STAT5A: variants seen among roughly 807,000 people sequenced by gnomAD.
STAT5A encodes epididymis secretory sperm binding protein.
In STAT5A, 26 loss-of-function variants were observed where a neutral mutation model predicts 100.2. That is an observed-to-expected ratio of 0.26 (90% confidence interval 0.19 to 0.36). The LOEUF (loss-of-function observed/expected upper bound fraction) is 0.36. Among genes scored for constraint, STAT5A ranks in the 10% least tolerant of loss-of-function variants. STAT5A has a pLI of 1.00. For synonymous variants in STAT5A, 330 were observed against 424.3 expected (o/e 0.78, Z 2.73); for missense variants, 634 against 1,027.5 (o/e 0.62, Z 5.24).
intron 4 of STAT5A, among the ~76,000 whole-genome samples, chr17:42,293,165 G>T (rs1367774164): frequency 1.3e-5 from 2 of 152,174 alleles, no homozygotes; most frequent in East Asian, 3.9e-4. Context: ...ACAGTGACCG[G>T]AGCACAGGTC....
Position 42,289,448 on chromosome 17 carries a change from G to A in STAT5A, c.37G>A (p.Asp13Asn), listed in dbSNP as rs751300372. ...GWIQAQQLQG[D>N]ALRQMQVLYG... ...GATCCAGGCCCAGCAGCTGCAGGGAGACGCGCTGCGCCAGATGCAGGTGCT... is the reference window on the plus strand; with the variant it reads ...GATCCAGGCCCAGCAGCTGCAGGGAAACGCGCTGCGCCAGATGCAGGTGCT... Residue 13 changes from aspartate to asparagine, a missense_variant, in exon 2 of 19, where the codon GAC becomes AAC. Physicochemically the swap from Asp to Asn is conservative, Grantham distance 23. Around this residue, in one of 5 missense-constraint regions of STAT5A, gnomAD observed 207 missense variants for 256.6 expected, o/e 0.81. Coordinates refer to ENST00000590949, the MANE Select transcript of STAT5A (RefSeq NM_001288718.2). 8 of 1,612,786 alleles carry A rather than the reference G, an allele frequency of 5.0e-6. No individual in the cohort carries two copies. In the East Asian group the frequency reaches 1.8e-4, roughly 36 times the overall value.
chr17:42,307,755 C>T (rs368460617), intron 15 of STAT5A, 32 bp downstream of exon 15: 71 of 1,606,276 alleles, frequency 4.4e-5, no homozygotes, highest in Non-Finnish European at 5.8e-5. Context: ...ACTCCAGCCC[C>T]AAGGCCCGGT....
At chr17:42,290,063 A>T in intron 3 of STAT5A, 41 bp downstream of exon 3, 1 of 1,556,306 alleles carries the variant, frequency 6.4e-7, no homozygotes, top group Admixed American at 1.9e-5. Flanking sequence ...AGGAAGCATC[A>T]TCTTGTTCCA....
At chr17:42,293,572 C>T (rs753707203) in intron 4 of STAT5A, among the ~76,000 whole-genome samples, 70 of 152,248 alleles carry the variant, frequency 4.6e-4, no homozygotes, top group Non-Finnish European at 7.8e-4. Flanking sequence ...TGAGGTCTTA[C>T]TGTGTGTCCG....
chr17:42,301,541 G>T, intron 9 of STAT5A, 87 bp downstream of exon 9: 3 of 1,550,592 alleles, frequency 1.9e-6, no homozygotes, highest in Non-Finnish European at 2.6e-6. Flanking sequence ...GCTATGTCTT[G>T]TCCCCTAGTT....
Position 42,304,084 on chromosome 17 carries a change from C to T in STAT5A, c.1170-258C>T, listed in dbSNP as rs1383434328. On this transcript the variant is annotated intron_variant, in intron 9 of 18. Transcript: ENST00000590949. This position sits in a 1 kb window ranked among gnomAD's most constrained non-coding sequence, Gnocchi z 4.8. ...GAAGCTATTGGAAGTCCCCAAAGCC[C>T]TCACATCAATCTTGGTATCGAGGAA... is the stretch of plus-strand genomic sequence containing the variant. 2.2e-5 allele frequency: 11 copies of T among 510,582 alleles called. No individual in the cohort carries two copies. Among genetic ancestry groups the T allele is most frequent in the Non-Finnish European group, 1.4e-5 (4 of 282,974 alleles). The allele number at this position is 510,582 out of a possible 1,614,324, so 31.6% of individuals were successfully genotyped here. A position where few individuals can be genotyped will look rare whatever the true frequency, so the allele number is the denominator to read the frequency against.
upstream of STAT5A, chr17:42,287,894 G>C (rs531702260): frequency 1.8e-4 from 27 of 152,416 alleles, no homozygotes; most frequent in Non-Finnish European, 2.9e-4. Flanking sequence ...GAAGGAGGGA[G>C]GTGCTGCGGT....
At chr17:42,299,442 C>T (rs1303099110) in intron 5 of STAT5A, among the ~76,000 whole-genome samples, 1 of 152,322 alleles carries the variant, frequency 6.6e-6, no homozygotes, top group Middle Eastern at 3.4e-3. Flanking sequence ...TGCTGGGACG[C>T]GAGAAGAGGG....
At chr17:42,305,833 C>A in intron 12 of STAT5A, 131 bp downstream of exon 12, 1 of 967,946 alleles carries the variant, frequency 1.0e-6, no homozygotes, top group Non-Finnish European at 1.5e-6. Context: ...GAGGTGAGGC[C>A]AGAAGGGCTG....
chr17:42,299,691 T>G (rs891770726), intron 5 of STAT5A, 60 bp from the exon 6 acceptor site: 13 of 1,613,114 alleles, frequency 8.1e-6, no homozygotes, highest in Non-Finnish European at 1.0e-5. Context: ...AGTGGGCTTC[T>G]CTAGGCCTCC....
At chr17:42,302,652 G>A (rs2080992261) in intron 9 of STAT5A, among the ~76,000 whole-genome samples, 1 of 152,232 alleles carries the variant, frequency 6.6e-6, no homozygotes, top group Non-Finnish European at 1.5e-5. Flanking sequence ...TGTTTACTGA[G>A]GCTGGGCGAG....
In STAT5A at chr17:42,290,032, G is replaced by A; in HGVS notation, c.285+10G>A. The A allele has an allele frequency of 6.2e-7, 1 of 1,602,350 alleles. No homozygotes were observed. Among genetic ancestry groups the A allele is most frequent in the Non-Finnish European group, 8.5e-7 (1 of 1,174,736 alleles). On this transcript the variant is annotated intron_variant, in intron 3 of 18. Transcript: ENST00000590949. ...CGCCACGCAGCTCCAGGTGGGTGTA[G>A]GCTCTGGGCCACCTACGGGGAGGAA...
Position 42,311,408 on chromosome 17 carries a change from GT to G in STAT5A, c.*742del, listed in dbSNP as rs1466850155. On this transcript the variant is annotated 3_prime_UTR_variant, in exon 19 of 19. Transcript: ENST00000590949. ...TCAAGTCTATGATGCTGTTGCCCAC[GT>G]TTCCCGGGATATATATTCTCTCCCC... 1.3e-5 allele frequency: 2 copies of G among 152,220 alleles called. No homozygotes were observed. Among genetic ancestry groups the G allele is most frequent in the East Asian group, 3.8e-4 (2 of 5,308 alleles). 9.4% of individuals were successfully genotyped at this position (152,220 alleles called of 1,614,324 possible). A position where few individuals can be genotyped will look rare whatever the true frequency, so the allele number is the denominator to read the frequency against.
In STAT5A at chr17:42,304,502, T is replaced by C. The variant is rs2081010067; in HGVS notation, c.1258-28T>C. 5.6e-6 allele frequency: 9 copies of C among 1,614,206 alleles called. No individual in the cohort carries two copies. The highest frequency in any genetic ancestry group is 7.6e-6 in the Non-Finnish European group (9 of 1,180,002). Reference sequence around the variant, plus strand: ...TCCTTGTAAGCAGCCGCCATCTCCCTGTTCCCCTGTCACCTCCCACCCTGC... The same window carrying C: ...TCCTTGTAAGCAGCCGCCATCTCCCCGTTCCCCTGTCACCTCCCACCCTGC... On this transcript the variant is annotated intron_variant, in intron 10 of 18. Coordinates refer to ENST00000590949, the MANE Select transcript of STAT5A (RefSeq NM_001288718.2). This position sits in a 1 kb window ranked among gnomAD's most constrained non-coding sequence, Gnocchi z 4.8.
chr17:42,308,598 A>G lies in STAT5A; in HGVS notation c.2062+265A>G. The stretch of plus-strand genomic sequence containing the variant: ...CTGCACCCTCGGAGGAAGGGGTGGC[A>G]GCACTGTAGGGAGTGGCCGGGATCA... On this transcript the variant is annotated intron_variant, in intron 16 of 18. Coordinates refer to ENST00000590949, the MANE Select transcript of STAT5A (RefSeq NM_001288718.2). The surrounding 1 kb of genome is among the most constrained non-coding windows in gnomAD (Gnocchi z 4.6). 1.8e-6 allele frequency: 1 copy of G among 547,232 alleles called. No homozygotes were observed. Among genetic ancestry groups the G allele is most frequent in the Non-Finnish European group, 3.3e-6 (1 of 306,960 alleles). 33.9% of individuals were successfully genotyped at this position (547,232 alleles called of 1,614,324 possible). A position where few individuals can be genotyped will look rare whatever the true frequency, so the allele number is the denominator to read the frequency against.
chr17:42,295,846 C>A (rs2080913918), intron 5 of STAT5A, 53 bp downstream of exon 5: 4 of 1,590,250 alleles, frequency 2.5e-6, no homozygotes, highest in Middle Eastern at 2.0e-4. Context: ...GAGGAACATT[C>A]TATGGACTCC....
In STAT5A at chr17:42,308,112, A is replaced by G; in HGVS notation, c.1907-66A>G. Reference sequence around the variant, plus strand: ...CAGATTTCTCTTGCAAGCCTGCCCTAAAGCCCCACAACCTTGGTCCTCCTG... The same window carrying G: ...CAGATTTCTCTTGCAAGCCTGCCCTGAAGCCCCACAACCTTGGTCCTCCTG... On this transcript the variant is annotated intron_variant, in intron 15 of 18. Coordinates refer to ENST00000590949, the MANE Select transcript of STAT5A (RefSeq NM_001288718.2). The surrounding 1 kb of genome is among the most constrained non-coding windows in gnomAD (Gnocchi z 4.6). The G allele has an allele frequency of 6.3e-7, 1 of 1,587,222 alleles. No individual in the cohort carries two copies. Among genetic ancestry groups the G allele is most frequent in the East Asian group, 2.2e-5 (1 of 44,584 alleles).
upstream of STAT5A, chr17:42,288,397 G>C (rs2080833632): frequency 6.6e-6 from 1 of 152,404 alleles, no homozygotes; most frequent in African/African-American, 2.4e-5. This position sits in a 1 kb window ranked among gnomAD's most constrained non-coding sequence, Gnocchi z 4.8. Flanking sequence ...GGGAGCAAGC[G>C]GGGCTGGGAG....
chr17:42,309,673 CTAA>C, intron 18 of STAT5A, 189 bp downstream of exon 18: 1 of 538,152 alleles, frequency 1.9e-6, no homozygotes, highest in Non-Finnish European at 3.3e-6. Context: ...CACTCTAGTA[CTAA>C]CTGTGTGATC....
Sources: gnomAD v4.1 joint callset for allele counts (sites outside exome capture counted in the v4.1 genomes callset) on GRCh38, gnomAD v4.1.1 for gene constraint, gnomAD v4.1.1 regional missense constraint, Gnocchi (gnomAD v3.1) non-coding constraint, MANE v1.5 for transcripts, NCBI Gene and HGNC (gene_info 2026-07-23, HGNC 2026-07-21) for gene names.